Variants in NALF1 observed in about 807,000 individuals in gnomAD.
The protein encoded by NALF1 is NALCN channel auxiliary factor 1, also known as family with sequence similarity 155 member A.
A neutral mutation model predicts 48.4 loss-of-function variants in NALF1; 3 were observed. That is an observed-to-expected ratio of 0.06 (90% CI 0.03 to 0.16). NALF1 has a LOEUF of 0.16. NALF1 is among the 10% of genes least tolerant of loss of function. NALF1 has a pLI of 1.00. For synonymous variants in NALF1, 262 were observed against 245.7 expected (o/e 1.07, Z -0.62); for missense variants, 526 against 571.5 (o/e 0.92, Z 0.81).
chr13:107,848,198 C>T (rs935713607), intron 1 of NALF1, among the ~76,000 whole-genome samples: 1 of 152,150 alleles, frequency 6.6e-6, no homozygotes, highest in Non-Finnish European at 1.5e-5. Context: ...TTTAACTGTT[C>T]CCAAAATATT....
chr13:107,651,479 C>T (rs927996851), intron 1 of NALF1, among the ~76,000 whole-genome samples: 1 of 152,144 alleles, frequency 6.6e-6, no homozygotes, highest in African/African-American at 2.4e-5. Flanking sequence ...TGGGAGTTCT[C>T]TGAAATAAGC....
At chr13:107,711,253 G>C (rs1027986919) in intron 1 of NALF1, among the ~76,000 whole-genome samples, 1 of 152,170 alleles carries the variant, frequency 6.6e-6, no homozygotes, top group African/African-American at 2.4e-5. Flanking sequence ...TTTTCCAGTA[G>C]AGATTCCAGA....
intron 1 of NALF1, among the ~76,000 whole-genome samples, chr13:107,281,052 T>A (rs1478535905): frequency 6.6e-6 from 1 of 152,244 alleles, no homozygotes; most frequent in African/African-American, 2.4e-5. Flanking sequence ...AAGATCTGTA[T>A]CTATTCAGGG....
chr13:107,643,958 G>C (rs988871856), intron 1 of NALF1, among the ~76,000 whole-genome samples: 2 of 132,506 alleles, frequency 1.5e-5, no homozygotes, highest in African/African-American at 2.9e-5. Flanking sequence ...CTGAGTTTCA[G>C]ATGATTTTTT....
intron 1 of NALF1, among the ~76,000 whole-genome samples, chr13:107,249,171 G>C (rs1281143907): frequency 6.6e-6 from 1 of 151,940 alleles, no homozygotes. Context: ...AAATTATTCA[G>C]ATTACTATCA....
chr13:107,330,992 A>T (rs1031867136), intron 1 of NALF1, among the ~76,000 whole-genome samples: 1 of 152,206 alleles, frequency 6.6e-6, no homozygotes, highest in East Asian at 1.9e-4. Context: ...GAATTACAGG[A>T]ATGCAAGATG....
intron 1 of NALF1, among the ~76,000 whole-genome samples, chr13:107,278,744 C>CA (rs1881329687): frequency 6.6e-6 from 1 of 152,064 alleles, no homozygotes; most frequent in African/African-American, 2.4e-5. Context: ...AAGCTACAAA[C>CA]ATGTAAAATA....
chr13:107,785,787 C>G (rs1878054494), intron 1 of NALF1, among the ~76,000 whole-genome samples: 1 of 152,156 alleles, frequency 6.6e-6, no homozygotes. Context: ...ACTTTGATGA[C>G]AGTGGTTCTC....
At chr13:107,549,596 C>T (rs1375750460) in intron 1 of NALF1, among the ~76,000 whole-genome samples, 1 of 152,072 alleles carries the variant, frequency 6.6e-6, no homozygotes, top group Non-Finnish European at 1.5e-5. Context: ...AGTTCATTTA[C>T]TTTATTATTC....
intron 1 of NALF1, among the ~76,000 whole-genome samples, chr13:107,655,097 G>A (rs1282316440): frequency 6.6e-6 from 1 of 152,056 alleles, no homozygotes; most frequent in Non-Finnish European, 1.5e-5. Flanking sequence ...ACAAGACAAG[G>A]ATGCCTACTT....
chr13:107,349,772 A>G (rs1360521368), intron 1 of NALF1, among the ~76,000 whole-genome samples: 1 of 150,750 alleles, frequency 6.6e-6, no homozygotes, highest in Non-Finnish European at 1.5e-5. Flanking sequence ...GAGGTAGCTG[A>G]TTTATCTCCT....
chr13:107,856,821 G>C (rs1880450476), intron 1 of NALF1, among the ~76,000 whole-genome samples: 1 of 152,130 alleles, frequency 6.6e-6, no homozygotes, highest in Non-Finnish European at 1.5e-5. Flanking sequence ...GCTCTCTAGG[G>C]TGGTGGCCGA....
At chr13:107,541,058 T>C (rs1273816382) in intron 1 of NALF1, among the ~76,000 whole-genome samples, 5 of 152,150 alleles carry the variant, frequency 3.3e-5, no homozygotes, top group Admixed American at 2.6e-4. Context: ...GACAGCCTCT[T>C]GTAATAAACA....
intron 1 of NALF1, among the ~76,000 whole-genome samples, chr13:107,528,582 A>G (rs1345876335): frequency 6.6e-6 from 1 of 152,274 alleles, no homozygotes; most frequent in Non-Finnish European, 1.5e-5. Context: ...GGTGTCAAGC[A>G]TCCGGCAGGC....
chr13:107,666,780 T>G (rs1270302800), intron 1 of NALF1, among the ~76,000 whole-genome samples: 3 of 151,806 alleles, frequency 2.0e-5, no homozygotes, highest in Non-Finnish European at 2.9e-5. Flanking sequence ...CCCCCATAAT[T>G]TTTTTGTAAA....
chr13:107,821,983 GTGATATACAAATGTATTTCCTT>G (rs1879372105), intron 1 of NALF1, among the ~76,000 whole-genome samples: 2 of 150,708 alleles, frequency 1.3e-5, no homozygotes, highest in Non-Finnish European at 2.9e-5. Context: ...GTGGACAATG[GTGATATACAAATGTATTTCCTT>G]TTGTCATACC....
chr13:107,850,465 G>A (rs1055871457), intron 1 of NALF1, among the ~76,000 whole-genome samples: 2 of 152,096 alleles, frequency 1.3e-5, no homozygotes, highest in African/African-American at 4.8e-5. Context: ...GACTTTACAT[G>A]CACACATACA....
chr13:107,700,625 T>A (rs1342697268), intron 1 of NALF1, among the ~76,000 whole-genome samples: 1 of 151,974 alleles, frequency 6.6e-6, no homozygotes, highest in African/African-American at 2.4e-5. Context: ...CAAAAATACC[T>A]GAACAGGACT....
chr13:107,606,547 G>T (rs1879076343), intron 1 of NALF1, among the ~76,000 whole-genome samples: 1 of 151,822 alleles, frequency 6.6e-6, no homozygotes, highest in East Asian at 1.9e-4. Context: ...TGTATTTTTA[G>T]TAGAGTCAGG....
Sources: allele counts gnomAD v4.1 joint callset (sites outside exome capture counted in the v4.1 genomes callset), GRCh38; gene constraint gnomAD v4.1.1; transcripts MANE v1.5; gene names NCBI Gene and HGNC (gene_info 2026-07-23, HGNC 2026-07-21).